CALN1: variants seen among roughly 807,000 people sequenced by gnomAD.
The protein encoded by CALN1 is calcium-binding protein 8.
CALN1 carries 17 observed loss-of-function variants against 30.6 expected under a neutral mutation model. The observed-to-expected ratio is 0.56, with a 90% CI of 0.38 to 0.83. The LOEUF is 0.83. CALN1 is among the 40% of genes least tolerant of loss of function. The pLI is 0.00. For missense variants in CALN1, 291 were observed against 354.9 expected (o/e 0.82, Z 1.45); for synonymous variants, 156 against 131.4 (o/e 1.19, Z -1.28).
chr7:72,370,672 A>G (rs955811027), intron 2 of CALN1, among the ~76,000 whole-genome samples: 4 of 151,586 alleles, frequency 2.6e-5, no homozygotes, highest in Admixed American at 6.6e-5. Flanking sequence ...AAAAAAAAAA[A>G]GTAAAATTAA....
At chr7:72,057,906 T>G (rs539006716) in intron 4 of CALN1, among the ~76,000 whole-genome samples, 56 of 152,280 alleles carry the variant, frequency 3.7e-4, no homozygotes, top group African/African-American at 1.3e-3. Flanking sequence ...AAAGCGTTCT[T>G]GAGGGGTAAT....
At chr7:71,854,157 C>T (rs1027275529) in intron 5 of CALN1, among the ~76,000 whole-genome samples, 3 of 151,916 alleles carry the variant, frequency 2.0e-5, no homozygotes, top group African/African-American at 7.3e-5. Flanking sequence ...ACAACATGGG[C>T]TAGAAGAAAA....
intron 3 of CALN1, among the ~76,000 whole-genome samples, chr7:72,197,015 C>A (rs141198449): frequency 1.3e-5 from 2 of 152,162 alleles, no homozygotes; most frequent in East Asian, 3.9e-4. Context: ...AGTTTATTTT[C>A]TTTAAGAATG....
intron 5 of CALN1, among the ~76,000 whole-genome samples, chr7:71,947,031 G>C (rs1333750677): frequency 6.6e-6 from 1 of 152,050 alleles, no homozygotes; most frequent in Non-Finnish European, 1.5e-5. Flanking sequence ...GTTTTTTTGA[G>C]ACAGAGTCTC....
intron 5 of CALN1, among the ~76,000 whole-genome samples, chr7:71,991,744 A>G (rs711295): frequency 0.019 from 2,898 of 152,344 alleles, 107 homozygotes; most frequent in African/African-American, 0.067. Flanking sequence ...TCTGCCTACA[A>G]TTTTACTTAG....
intron 5 of CALN1, among the ~76,000 whole-genome samples, chr7:71,898,344 G>A (rs1221397273): frequency 6.6e-6 from 1 of 151,902 alleles, no homozygotes; most frequent in East Asian, 1.9e-4. Context: ...AAGAAAGAAA[G>A]AAAAGAAAAT....
intron 3 of CALN1, among the ~76,000 whole-genome samples, chr7:72,179,530 C>T (rs1789604852): frequency 6.6e-6 from 1 of 151,982 alleles, no homozygotes. Context: ...TGTAACTTAT[C>T]ATCATGAAAA....
chr7:72,357,235 C>T (rs966870374), intron 2 of CALN1, among the ~76,000 whole-genome samples: 3 of 151,862 alleles, frequency 2.0e-5, no homozygotes, highest in Non-Finnish European at 2.9e-5. Flanking sequence ...TCGGAACCAA[C>T]GCAGTGCTGT....
At chr7:72,126,568 T>C (rs912850991) in intron 3 of CALN1, among the ~76,000 whole-genome samples, 1 of 152,178 alleles carries the variant, frequency 6.6e-6, no homozygotes, top group Admixed American at 6.5e-5. Flanking sequence ...CTGAGCAATG[T>C]ACACTGTACC....
chr7:72,333,448 C>T (rs1349043911), intron 2 of CALN1, among the ~76,000 whole-genome samples: 1 of 152,178 alleles, frequency 6.6e-6, no homozygotes, highest in Non-Finnish European at 1.5e-5. Context: ...CCTTCCGAAC[C>T]ACATTTGGAA....
the CALN1 span, among the ~76,000 whole-genome samples, chr7:72,496,041 C>T: frequency 6.6e-6 from 1 of 152,346 alleles, no homozygotes; most frequent in Middle Eastern, 3.4e-3. Flanking sequence ...CTGCCTCAGT[C>T]TCCCAAGTAG....
the CALN1 span, among the ~76,000 whole-genome samples, chr7:72,486,780 T>C: frequency 6.6e-6 from 1 of 152,322 alleles, no homozygotes; most frequent in South Asian, 2.1e-4. Flanking sequence ...GTCATTTATA[T>C]TTTCTCCAAT....
intron 2 of CALN1, among the ~76,000 whole-genome samples, chr7:72,368,150 T>A (rs1003079035): frequency 6.7e-6 from 1 of 150,264 alleles, no homozygotes; most frequent in Non-Finnish European, 1.5e-5. Context: ...TCTATATCTA[T>A]GTGTGTGTAT....
chr7:72,406,710 A>G (rs1282879843), intron 1 of CALN1, among the ~76,000 whole-genome samples: 2 of 150,100 alleles, frequency 1.3e-5, no homozygotes, highest in African/African-American at 2.5e-5. Context: ...TCTGCCTCCC[A>G]GGTTCAAGCC....
intron 5 of CALN1, among the ~76,000 whole-genome samples, chr7:71,906,047 G>C (rs1370170759): frequency 6.6e-6 from 1 of 152,140 alleles, no homozygotes; most frequent in Non-Finnish European, 1.5e-5. Context: ...AACAGCATGG[G>C]GGAAACTGAC....
chr7:72,103,984 C>T (rs1481930077), intron 4 of CALN1: 1 of 152,214 alleles, frequency 6.6e-6, no homozygotes, highest in African/African-American at 2.4e-5. Context: ...GAAGATAATG[C>T]CATTTTCTTC....
intron 2 of CALN1, among the ~76,000 whole-genome samples, chr7:72,316,453 A>G (rs577939740): frequency 1.3e-5 from 2 of 152,198 alleles, no homozygotes; most frequent in South Asian, 4.1e-4. Flanking sequence ...CAACCCCTTC[A>G]GATAATAAAG....
At chr7:71,788,964 T>A (rs1562778074) in intron 6 of CALN1, among the ~76,000 whole-genome samples, 1 of 151,696 alleles carries the variant, frequency 6.6e-6, no homozygotes, top group Non-Finnish European at 1.5e-5. Flanking sequence ...GGCCGACTAA[T>A]TTTTTTAATT....
chr7:72,081,638 T>C (rs974351432), intron 4 of CALN1, among the ~76,000 whole-genome samples: 1 of 151,102 alleles, frequency 6.6e-6, no homozygotes, highest in Admixed American at 6.6e-5. Flanking sequence ...CCCAGGCTGG[T>C]TTCAAATTCC....
Sources: allele counts gnomAD v4.1 joint callset (sites outside exome capture counted in the v4.1 genomes callset), GRCh38; gene constraint gnomAD v4.1.1; transcripts MANE v1.5; gene names NCBI Gene and HGNC (gene_info 2026-07-23, HGNC 2026-07-21).